The following RCC2 variants were observed in gnomAD, a reference collection of about 807,000 sequenced individuals.
RCC2 encodes the protein protein RCC2.
A neutral mutation model predicts 64.1 loss-of-function variants in RCC2; 19 were observed. The ratio of observed to expected loss-of-function variants is 0.30; its 90% confidence interval spans 0.21 to 0.44. The LOEUF (loss-of-function observed/expected upper bound fraction) is 0.44. Among genes scored for constraint, RCC2 ranks in the 20% least tolerant of loss-of-function variants. RCC2 has a pLI of 1.00. For missense variants in RCC2, 508 were observed against 710.4 expected (o/e 0.72, Z 3.24); for synonymous variants, 325 against 279.6 (o/e 1.16, Z -1.62).
chr1:17,422,276 A>C lies in RCC2; in HGVS notation c.671T>G (p.Phe224Cys). ...CCCCATCTTGTTTTCCCCAAACGCAAACACGGAGCCCGTTTCTGGAAGAAA... is the reference window on the plus strand; with the variant it reads ...CCCCATCTTGTTTTCCCCAAACGCACACACGGAGCCCGTTTCTGGAAGAAA... Reference protein sequence around the residue: ...TLALTETGSVFAFGENKMGQL... With the variant: ...TLALTETGSVCAFGENKMGQL... The change falls in exon 6 of 13, where the codon TTT (phenylalanine) becomes TGT (cysteine). Residue 224 changes from phenylalanine to cysteine, a missense_variant. Transcript: ENST00000375436. 6.2e-7 allele frequency: 1 copy of C among 1,611,574 alleles called. No individual in the cohort carries two copies. Among genetic ancestry groups the C allele is most frequent in the South Asian group, 1.1e-5 (1 of 90,872 alleles).
At chr1:17,425,416 G>T in intron 4 of RCC2, 125 bp downstream of exon 4, 3 of 924,106 alleles carry the variant, frequency 3.2e-6, no homozygotes, top group Non-Finnish European at 4.7e-6. Flanking sequence ...AAAGACATGG[G>T]CTGTGAACGA....
intron 2 of RCC2, among the ~76,000 whole-genome samples, chr1:17,434,363 C>T (rs991587500): frequency 3.3e-5 from 5 of 152,132 alleles, no homozygotes; most frequent in South Asian, 2.1e-4. Flanking sequence ...ATGAAGCCTC[C>T]GTTAAAAACC....
chr1:17,418,608 G>A (rs2100365215), intron 7 of RCC2, among the ~76,000 whole-genome samples: 1 of 152,150 alleles, frequency 6.6e-6, no homozygotes. Flanking sequence ...AGTGACCCGA[G>A]ATCGCGCCAC....
intron 12 of RCC2, 68 bp from the exon 13 acceptor site, chr1:17,409,262 T>C: frequency 9.8e-7 from 1 of 1,016,580 alleles, no homozygotes; most frequent in Middle Eastern, 2.0e-4. Flanking sequence ...GAAGAGACTC[T>C]GGAAACTGGG....
In RCC2 at chr1:17,413,117, T is replaced by G; in HGVS notation, c.1269A>C (p.Ala423=). The change falls in exon 10 of 13, where the codon GCA becomes GCC. Residue 423 remains alanine, a synonymous_variant. Coordinates refer to ENST00000375436, the MANE Select transcript of RCC2 (RefSeq NM_018715.4). ...TTCTCCAGCCGCAGAGGTCCTGCACTGCTTTTGGGTACATGGTAGATTCAC... is the reference window on the plus strand; with the variant it reads ...TTCTCCAGCCGCAGAGGTCCTGCACGGCTTTTGGGTACATGGTAGATTCAC... The part of the protein sequence containing the change: ...TSRESTMYPK[A]VQDLCGWRIR... 6.2e-7 allele frequency: 1 copy of G among 1,614,164 alleles called. No homozygotes were observed. The highest frequency in any genetic ancestry group is 1.7e-4 in the Middle Eastern group (1 of 6,046).
At chr1:17,421,105 T>C (rs1298059514) in intron 6 of RCC2, among the ~76,000 whole-genome samples, 2 of 152,160 alleles carry the variant, frequency 1.3e-5, no homozygotes, top group Non-Finnish European at 2.9e-5. Flanking sequence ...CCTTCCTTCA[T>C]CACCTAGACC....
intron 8 of RCC2, among the ~76,000 whole-genome samples, chr1:17,415,450 C>T (rs1175260679): frequency 6.6e-6 from 1 of 152,204 alleles, no homozygotes; most frequent in East Asian, 1.9e-4. Context: ...CGGTGGCTCA[C>T]ACCTATAATC....
intron 9 of RCC2, 126 bp from the exon 10 acceptor site, chr1:17,413,304 G>A: frequency 3.5e-6 from 3 of 866,764 alleles, no homozygotes; most frequent in Non-Finnish European, 5.6e-6. Flanking sequence ...GATAACTGGA[G>A]CCAGGCGTGG....
At chr1:17,412,292 C>T in intron 10 of RCC2, 98 bp from the exon 11 acceptor site, 1 of 1,049,580 alleles carries the variant, frequency 9.5e-7, no homozygotes, top group Non-Finnish European at 1.4e-6. Flanking sequence ...CCACTTTTCC[C>T]TTGGCGTACT....
chr1:17,421,231 G>GC (rs2100370027), intron 6 of RCC2, among the ~76,000 whole-genome samples: 1 of 152,182 alleles, frequency 6.6e-6, no homozygotes, highest in South Asian at 2.1e-4. Flanking sequence ...TCTCCTGGGC[G>GC]CGGTGGCTCA....
Position 17,438,264 on chromosome 1 carries a change from AC to A in RCC2, c.250del (p.Val84SerfsTer24). The A allele has an allele frequency of 1.5e-6, 2 of 1,325,836 alleles. No individual in the cohort carries two copies. The highest frequency in any genetic ancestry group is 1.6e-5 in the South Asian group (1 of 62,174). 82.1% of individuals were successfully genotyped at this position (1,325,836 alleles called of 1,614,324 possible). ...CTTGGTGTGCTCGGGTTCGGTGATGACCACGGCCGCGCCGCCCGCCTTGCCT... is the reference window on the plus strand; with the variant it reads ...CTTGGTGTGCTCGGGTTCGGTGATGACACGGCCGCGCCGCCCGCCTTGCCT... ...TAGKAGGAAV[V>X]ITEPEHTKER... On this transcript the variant is annotated frameshift_variant, in exon 2 of 13. Coordinates refer to ENST00000375436, the MANE Select transcript of RCC2 (RefSeq NM_018715.4). LOFTEE classifies it high-confidence loss of function.
intron 2 of RCC2, among the ~76,000 whole-genome samples, chr1:17,432,096 GA>G (rs565900900): frequency 7.0e-4 from 105 of 150,954 alleles, no homozygotes; most frequent in Non-Finnish European, 1.2e-3. Flanking sequence ...CTCAAAAAGA[GA>G]AAAAAAAAGT....
In RCC2 at chr1:17,408,937, CAT is replaced by C; in HGVS notation, c.*151_*152del. On this transcript the variant is annotated 3_prime_UTR_variant, in exon 13 of 13. Coordinates refer to ENST00000375436, the MANE Select transcript of RCC2 (RefSeq NM_018715.4). ...GAAAAAAAGGTAGTTAACGTTGGAT[CAT>C]GTGTAAAACGGAACCTCAGGGAGTC... The C allele has an allele frequency of 3.1e-6, 2 of 643,588 alleles. No individual in the cohort carries two copies. The highest frequency in any genetic ancestry group is 3.8e-5 in the South Asian group (2 of 52,238). The allele number at this position is 643,588 out of a possible 1,614,324, so 39.9% of individuals were successfully genotyped here. A position where few individuals can be genotyped will look rare whatever the true frequency, so the allele number is the denominator to read the frequency against.
intron 3 of RCC2, among the ~76,000 whole-genome samples, chr1:17,426,885 C>A (rs1345921194): frequency 6.6e-6 from 1 of 151,500 alleles, no homozygotes; most frequent in Non-Finnish European, 1.5e-5. Flanking sequence ...GCCTCAGCCT[C>A]ACGAGTAACT....
At chr1:17,438,995 C>T (rs758715196) in intron 1 of RCC2, among the ~76,000 whole-genome samples, 21 of 151,928 alleles carry the variant, frequency 1.4e-4, no homozygotes, top group Non-Finnish European at 2.5e-4. Context: ...CAGTCTCCCC[C>T]CAAACCCACT....
At chr1:17,414,615 C>A (rs572092262) in intron 8 of RCC2, among the ~76,000 whole-genome samples, 1 of 151,912 alleles carries the variant, frequency 6.6e-6, no homozygotes. Flanking sequence ...AAAGGCCTAC[C>A]TGTTCCTGGA....
chr1:17,436,687 C>CCAA (rs942564472), intron 2 of RCC2, among the ~76,000 whole-genome samples: 1 of 152,202 alleles, frequency 6.6e-6, no homozygotes, highest in Non-Finnish European at 1.5e-5. Context: ...ATTCAGCGTT[C>CCAA]CAACAGTCTG....
chr1:17,438,705 G>C, intron 1 of RCC2, 183 bp from the exon 2 acceptor site: 1 of 526,942 alleles, frequency 1.9e-6, no homozygotes, highest in African/African-American at 2.0e-5. Flanking sequence ...TGGCCCCGGC[G>C]CGGCTCCTTC....
chr1:17,417,557 C>T (rs1356871388), intron 7 of RCC2, among the ~76,000 whole-genome samples: 1 of 152,066 alleles, frequency 6.6e-6, no homozygotes, highest in Non-Finnish European at 1.5e-5. Flanking sequence ...GTGGTGGGTG[C>T]CTATAGTCCA....
Sources: gnomAD v4.1 joint callset for allele counts (sites outside exome capture counted in the v4.1 genomes callset) on GRCh38, gnomAD v4.1.1 for gene constraint, MANE v1.5 for transcripts, NCBI Gene and HGNC (gene_info 2026-07-23, HGNC 2026-07-21) for gene names.